The following EML1 variants were observed in gnomAD, a reference collection of about 807,000 sequenced individuals.
EML1 encodes EMAP like 1, also known as echinoderm microtubule-associated protein-like 1.
In EML1, 27 loss-of-function variants were observed where a neutral mutation model predicts 110.4. The ratio of observed to expected loss-of-function variants is 0.24; its 90% CI spans 0.18 to 0.34. EML1 has a LOEUF of 0.34. EML1 is among the 10% of genes least tolerant of loss of function. EML1 has a pLI of 1.00. For synonymous variants in EML1, 344 were observed against 385.8 expected (o/e 0.89, Z 1.27); for missense variants, 741 against 1,030.9 (o/e 0.72, Z 3.85).
At chr14:99,908,148 G>A (rs1415377908) in intron 10 of EML1, among the ~76,000 whole-genome samples, 1 of 152,244 alleles carries the variant, frequency 6.6e-6, no homozygotes, top group Admixed American at 6.5e-5. Context: ...GCAGGTATGG[G>A]CAGGGGCCGC....
intron 1 of EML1, chr14:99,737,938 C>A: frequency 1.6e-6 from 2 of 1,255,534 alleles, no homozygotes; most frequent in Non-Finnish European, 2.1e-6. Flanking sequence ...GGCACTGGGG[C>A]CCCCGCAGGC....
At chr14:99,863,125 T>C (rs1003810368) in intron 2 of EML1, among the ~76,000 whole-genome samples, 1 of 152,232 alleles carries the variant, frequency 6.6e-6, no homozygotes, top group Non-Finnish European at 1.5e-5. Flanking sequence ...TATGTAATTG[T>C]TCCATCCTGA....
At chr14:99,922,313 G>T (rs1308083649) in intron 17 of EML1, among the ~76,000 whole-genome samples, 1 of 151,962 alleles carries the variant, frequency 6.6e-6, no homozygotes, top group African/African-American at 2.4e-5. Flanking sequence ...ATGGGATTTC[G>T]CCATATTGGC....
chr14:99,888,718 G>T (rs1002664229), intron 4 of EML1, among the ~76,000 whole-genome samples: 1 of 152,002 alleles, frequency 6.6e-6, no homozygotes, highest in African/African-American at 2.4e-5. Context: ...AGGACAGAAA[G>T]TAGTATAATG....
chr14:99,771,073 C>G (rs1035822382), upstream of EML1, among the ~76,000 whole-genome samples: 1 of 152,082 alleles, frequency 6.6e-6, no homozygotes, highest in South Asian at 2.1e-4. Context: ...CGTGAGCCAC[C>G]GCGCCCGGCC....
intron 3 of EML1, among the ~76,000 whole-genome samples, chr14:99,875,827 T>C (rs1323989660): frequency 6.6e-6 from 1 of 152,218 alleles, no homozygotes; most frequent in Non-Finnish European, 1.5e-5. Context: ...ATTTCAGAAA[T>C]GTAATGCTCT....
intron 1 of EML1, among the ~76,000 whole-genome samples, chr14:99,745,645 A>G (rs2140165161): frequency 6.6e-6 from 1 of 152,370 alleles, no homozygotes; most frequent in South Asian, 2.1e-4. Flanking sequence ...GGGGGGTCAG[A>G]CATTCCTGCA....
At chr14:99,923,194 G>A (rs1313733432) in intron 17 of EML1, among the ~76,000 whole-genome samples, 3 of 152,080 alleles carry the variant, frequency 2.0e-5, no homozygotes, top group East Asian at 3.9e-4. Flanking sequence ...TGCCTGCCTC[G>A]GCCTCCCAAA....
At chr14:99,812,877 T>C (rs960174200) in intron 1 of EML1, among the ~76,000 whole-genome samples, 9 of 152,132 alleles carry the variant, frequency 5.9e-5, no homozygotes, top group Admixed American at 2.6e-4. Flanking sequence ...ACAGATAAAG[T>C]GTTTCTAAGT....
At position 99,937,863 on chromosome 14, in the gene EML1, A is replaced by C; in HGVS notation, c.2142A>C (p.Arg714Ser). Residue 714 changes from arginine (R) to serine (S), a missense_variant, in exon 20 of 22, where the codon AGA (arginine) becomes AGC (serine). Transcript: ENST00000262233. ...CKQVVSVETT[R>S]DIEWATYTCT... ...AAGTCGTAAGTGTGGAAACTACAAG[A>C]GACATTGAATGGGCTACCTATACCT... The C allele has an allele frequency of 6.2e-7, 1 of 1,614,158 alleles. No individual in the cohort carries two copies. The highest frequency in any genetic ancestry group is 1.6e-4 in the Middle Eastern group (1 of 6,062).
Position 99,905,993 on chromosome 14 carries a change from T to C in EML1, c.1009-1645T>C, listed in dbSNP as rs529735760. On this transcript the variant is annotated intron_variant, in intron 9 of 21. Coordinates refer to ENST00000262233, the MANE Select transcript of EML1 (RefSeq NM_004434.3). This position sits in a 1 kb window ranked among gnomAD's most constrained non-coding sequence, Gnocchi z 4.1. ...ATGATTTTTCTTTGCATCAGGGGTC[T>C]CCAGTATCATCCCTTTGGGGTTCAC... is the stretch of plus-strand genomic sequence containing the variant. 6.6e-6 allele frequency among the ~76,000 whole-genome samples: 1 copy of C among 152,308 alleles called. No homozygotes were observed. Among genetic ancestry groups the C allele is most frequent in the South Asian group, 2.1e-4 (1 of 4,826 alleles).
intron 1 of EML1, among the ~76,000 whole-genome samples, chr14:99,757,231 C>G (rs1210442499): frequency 1.3e-5 from 2 of 151,774 alleles, no homozygotes. Flanking sequence ...CGCAGCTACT[C>G]GGGAGGCTGA....
intron 1 of EML1, among the ~76,000 whole-genome samples, chr14:99,842,024 A>G (rs940993722): frequency 1.1e-5 from 1 of 94,444 alleles, no homozygotes; most frequent in African/African-American, 2.9e-5. Flanking sequence ...ATAGACAAGA[A>G]TGTAAAAACT....
chr14:99,825,590 A>G (rs927299623), intron 1 of EML1, among the ~76,000 whole-genome samples: 1 of 151,908 alleles, frequency 6.6e-6, no homozygotes, highest in Non-Finnish European at 1.5e-5. Flanking sequence ...CCTCTCTTCA[A>G]CCTCACCACA....
In EML1 at chr14:99,927,540, G is replaced by T. The variant is rs1300130742; in HGVS notation, c.1909+6663G>T. ...GTTACCCAGTGCCTAGATCCATAAAGGTTGCCAACTATTGATTTCCAATGT... is the reference window on the plus strand; with the variant it reads ...GTTACCCAGTGCCTAGATCCATAAATGTTGCCAACTATTGATTTCCAATGT... On this transcript the variant is annotated intron_variant, in intron 17 of 21. Coordinates refer to ENST00000262233, the MANE Select transcript of EML1 (RefSeq NM_004434.3). Among the ~76,000 whole-genome samples, 3 of 152,004 alleles carry T rather than the reference G, an allele frequency of 2.0e-5. No homozygotes were observed. In the East Asian group the frequency reaches 5.8e-4, roughly 29 times the overall value.
At chr14:99,743,415 C>T (rs2057067146) in intron 1 of EML1, among the ~76,000 whole-genome samples, 1 of 152,198 alleles carries the variant, frequency 6.6e-6, no homozygotes, top group African/African-American at 2.4e-5. Context: ...CCACCCCAGA[C>T]CACTGCCCTT....
rs570250533 is a variant in EML1, at chr14:99,819,796, C to T, written c.67+26253C>T. ...TCGCACCGAGCATCCCTCAGTGAAG[C>T]GCCCAGGCCCACACCACGCAGCCAG... On this transcript the variant is annotated intron_variant, in intron 1 of 21. Transcript: ENST00000262233. Among the ~76,000 whole-genome samples the T allele has an allele frequency of 5.9e-5, 9 of 152,332 alleles. No individual in the cohort carries two copies. The South Asian group carries it at 1.7e-3, about 28-fold the overall frequency.
intron 1 of EML1, among the ~76,000 whole-genome samples, chr14:99,782,717 G>A (rs1323009178): frequency 6.6e-6 from 1 of 152,038 alleles, no homozygotes; most frequent in Non-Finnish European, 1.5e-5. Flanking sequence ...AAGAGTTACC[G>A]GACCCCCCAT....
intron 1 of EML1, among the ~76,000 whole-genome samples, chr14:99,761,484 G>A (rs2057313268): frequency 6.6e-6 from 1 of 152,262 alleles, no homozygotes; most frequent in East Asian, 1.9e-4. Context: ...CCCTTCCCAA[G>A]GAGAGCAAAG....
Sources: allele counts gnomAD v4.1 joint callset (sites outside exome capture counted in the v4.1 genomes callset), GRCh38; gene constraint gnomAD v4.1.1; non-coding constraint Gnocchi (gnomAD v3.1); transcripts MANE v1.5; gene names NCBI Gene and HGNC (gene_info 2026-07-23, HGNC 2026-07-21).